MEF2C: variants seen among roughly 807,000 people sequenced by gnomAD.
MEF2C encodes the protein myocyte-specific enhancer factor 2C.
Under a neutral mutation model 50.5 loss-of-function variants are expected in MEF2C, and 6 were observed. That is an observed-to-expected ratio of 0.12 (90% CI 0.07 to 0.23). MEF2C has a LOEUF of 0.23. Among genes scored for constraint, MEF2C ranks in the 10% least tolerant of loss-of-function variants. The pLI is 1.00. For missense variants in MEF2C, 276 were observed against 605.0 expected, an observed-to-expected ratio of 0.46 and a Z score of 5.70; for synonymous variants, 183 against 228.0, an observed-to-expected ratio of 0.80 and a Z score of 1.78.
At chr5:88,843,470 AC>A in intron 1 of MEF2C, 1 of 985,114 alleles carries the variant, frequency 1.0e-6, no homozygotes, top group South Asian at 4.7e-5. Context: ...TATTAGGCAG[AC>A]AATTTATGTT....
chr5:88,751,374 C>G, intron 5 of MEF2C: 1 of 985,286 alleles, frequency 1.0e-6, no homozygotes, highest in Non-Finnish European at 1.2e-6. Flanking sequence ...TATCATATTT[C>G]CTTTCTGCCT....
chr5:88,860,571 G>A (rs896805226), intron 1 of MEF2C, among the ~76,000 whole-genome samples: 1 of 152,030 alleles, frequency 6.6e-6, no homozygotes, highest in African/African-American at 2.4e-5. Flanking sequence ...TGTGCCAAAT[G>A]CAGCCCAATG....
intron 2 of MEF2C, among the ~76,000 whole-genome samples, chr5:88,809,064 CT>C (rs1429947242): frequency 2.0e-5 from 3 of 152,040 alleles, no homozygotes; most frequent in Non-Finnish European, 4.4e-5. Flanking sequence ...CAGAACTACT[CT>C]GTATGTTTTT....
intron 7 of MEF2C, among the ~76,000 whole-genome samples, chr5:88,731,170 T>C (rs1241020601): frequency 2.6e-5 from 4 of 152,202 alleles, no homozygotes; most frequent in African/African-American, 9.7e-5. Flanking sequence ...TTTTGAGAGA[T>C]AGCTATTTTC....
intron 1 of MEF2C, among the ~76,000 whole-genome samples, chr5:88,868,090 C>T (rs1201794207): frequency 6.6e-6 from 1 of 152,138 alleles, no homozygotes; most frequent in African/African-American, 2.4e-5. Context: ...TGTTGGAAAT[C>T]AAGACAACTG....
intron 10 of MEF2C, among the ~76,000 whole-genome samples, chr5:88,726,940 A>G (rs775343520): frequency 6.6e-6 from 1 of 152,176 alleles, no homozygotes; most frequent in Non-Finnish European, 1.5e-5. Flanking sequence ...TTTGACATTG[A>G]TAACTTTTAG....
chr5:88,797,455 C>CTTT (rs879036291), intron 3 of MEF2C, among the ~76,000 whole-genome samples: 6 of 63,308 alleles, frequency 9.5e-5, no homozygotes, highest in South Asian at 4.9e-4. Context: ...CAACCCTTGC[C>CTTT]TTTTTTTTTT....
At chr5:88,728,301 C>T (rs1014715232) in intron 10 of MEF2C, among the ~76,000 whole-genome samples, 192 bp downstream of exon 10, 2 of 152,050 alleles carry the variant, frequency 1.3e-5, no homozygotes, top group Non-Finnish European at 2.9e-5. Context: ...TTACAGAGCT[C>T]GCTGTCCTCT....
chr5:88,835,325 A>G (rs1185811092), intron 1 of MEF2C, among the ~76,000 whole-genome samples: 1 of 152,222 alleles, frequency 6.6e-6, no homozygotes, highest in Non-Finnish European at 1.5e-5. Context: ...CCAAGTAATC[A>G]GCAGAGCTTT....
At chr5:88,900,287 A>G (rs990180193) in intron 1 of MEF2C, among the ~76,000 whole-genome samples, 1 of 151,808 alleles carries the variant, frequency 6.6e-6, no homozygotes, top group African/African-American at 2.4e-5. Flanking sequence ...AGTTATATAT[A>G]CACACACATA....
At chr5:88,841,966 C>T (rs1581453276) in intron 1 of MEF2C, among the ~76,000 whole-genome samples, 1 of 152,104 alleles carries the variant, frequency 6.6e-6, no homozygotes, top group Non-Finnish European at 1.5e-5. Context: ...CAACTTTAAG[C>T]CTTATTTCTT....
chr5:88,870,267 A>G (rs1457401981), intron 1 of MEF2C, among the ~76,000 whole-genome samples: 1 of 152,026 alleles, frequency 6.6e-6, no homozygotes, highest in Non-Finnish European at 1.5e-5. Flanking sequence ...TTGGTCAAAA[A>G]TATGTTTGGA....
At chr5:88,729,564 T>G in intron 8 of MEF2C, 1 of 515,692 alleles carries the variant, frequency 1.9e-6, no homozygotes, top group South Asian at 2.2e-5. Context: ...CAGTATCTCC[T>G]AGGCAACTGA....
At chr5:88,737,992 T>C (rs1202566899) in intron 6 of MEF2C, 1 of 985,208 alleles carries the variant, frequency 1.0e-6, no homozygotes, top group Non-Finnish European at 1.2e-6. Flanking sequence ...TTAGAGAAGC[T>C]AGTTAGAACG....
intron 6 of MEF2C, chr5:88,742,192 A>G: frequency 1.0e-6 from 1 of 985,396 alleles, no homozygotes; most frequent in Non-Finnish European, 1.2e-6. Context: ...CCCCTTCAGC[A>G]TCTGCTCTCT....
chr5:88,824,438 A>G (rs1809946608), intron 1 of MEF2C: 1 of 750,470 alleles, frequency 1.3e-6, no homozygotes, highest in Non-Finnish European at 1.6e-6. Flanking sequence ...TATTTGATAT[A>G]TGTAAATGTC....
At chr5:88,738,048 C>T (rs1019348919) in intron 6 of MEF2C, 1 of 985,142 alleles carries the variant, frequency 1.0e-6, no homozygotes, top group African/African-American at 1.7e-5. Flanking sequence ...TGAGGCAGCG[C>T]AGAGAGAAAG....
At position 88,720,247 on chromosome 5, in the gene MEF2C, G is replaced by T. The variant is rs1342254969; in HGVS notation, c.*2357C>A. 1 of 152,048 alleles carries T rather than the reference G, an allele frequency of 6.6e-6. No homozygotes were observed. The highest frequency in any genetic ancestry group is 2.4e-5 in the African/African-American group (1 of 41,350). The allele number at this position is 152,048 out of a possible 1,614,324, so 9.4% of individuals were successfully genotyped here. On this transcript the variant is annotated 3_prime_UTR_variant, in exon 11 of 11. Transcript: ENST00000504921. Reference sequence around the variant, plus strand: ...GTGTATGAGTGTGTATATTTTCAGGGATGTTTTTGTTTTTCCTCTGCATAA... The same window carrying T: ...GTGTATGAGTGTGTATATTTTCAGGTATGTTTTTGTTTTTCCTCTGCATAA...
upstream of MEF2C, chr5:88,888,042 G>A (rs1834179987): frequency 6.6e-6 from 1 of 152,206 alleles, no homozygotes; most frequent in Non-Finnish European, 1.5e-5. Context: ...ATCGGGAAAT[G>A]TTTGCAATGC....
Sources: allele counts gnomAD v4.1 joint callset (sites outside exome capture counted in the v4.1 genomes callset), GRCh38; gene constraint gnomAD v4.1.1; transcripts MANE v1.5; gene names NCBI Gene and HGNC (gene_info 2026-07-23, HGNC 2026-07-21).